The following KCNMA1 variants were observed in gnomAD, a reference collection of about 807,000 sequenced individuals.
The protein encoded by KCNMA1 is potassium calcium-activated channel subfamily M alpha 1, also known as Calcium-activated potassium channel subunit alpha-1.
KCNMA1 carries 29 observed loss-of-function variants against 140.0 expected under a neutral mutation model. The ratio of observed to expected loss-of-function variants is 0.21; its 90% CI spans 0.15 to 0.28. KCNMA1 has a LOEUF of 0.28. Ranked by LOEUF, KCNMA1 falls within the 10% of genes least tolerant of loss-of-function variation. KCNMA1 has a pLI of 1.00. For missense variants in KCNMA1, 880 were observed against 1,602.2 expected (o/e 0.55, Z 7.70); for synonymous variants, 612 against 611.9 (o/e 1.00, Z 0.00).
intron 5 of KCNMA1, among the ~76,000 whole-genome samples, chr10:77,167,765 T>C (rs961043887): frequency 2.0e-5 from 3 of 151,942 alleles, no homozygotes; most frequent in African/African-American, 7.3e-5. Flanking sequence ...CTTGTCTCAC[T>C]GCAGCCTCGA....
chr10:77,285,597 T>C (rs1216465154), intron 2 of KCNMA1, among the ~76,000 whole-genome samples: 1 of 152,106 alleles, frequency 6.6e-6, no homozygotes, highest in Non-Finnish European at 1.5e-5. Flanking sequence ...GTTTTTCTTT[T>C]CCCCCACCAT....
intron 5 of KCNMA1, among the ~76,000 whole-genome samples, chr10:77,138,236 T>C (rs1029584221): frequency 1.1e-4 from 17 of 152,286 alleles, no homozygotes; most frequent in East Asian, 7.7e-4. Flanking sequence ...CAAATAGGAC[T>C]TACTCACTTT....
chr10:76,894,532 G>C (rs1354714414), intron 25 of KCNMA1, among the ~76,000 whole-genome samples: 2 of 151,916 alleles, frequency 1.3e-5, no homozygotes, highest in East Asian at 3.9e-4. Flanking sequence ...TATCCAAAAA[G>C]TGAAAAAAAC....
intron 5 of KCNMA1, among the ~76,000 whole-genome samples, chr10:77,127,803 C>T (rs2766622): frequency 0.86 from 130,294 of 151,794 alleles, 55,901 homozygotes; most frequent in East Asian, 0.91. Flanking sequence ...TAAAACCCCG[C>T]CTCTACCAAA....
At chr10:77,382,988 GTGTGTGTATATATATATATA>G (rs1409490135) in intron 2 of KCNMA1, among the ~76,000 whole-genome samples, 13 of 44,978 alleles carry the variant, frequency 2.9e-4, no homozygotes, top group Non-Finnish European at 3.7e-4. Flanking sequence ...GTGTGTGTGT[GTGTGTGTATATATATATATA>G]TATATATATA....
In KCNMA1 at chr10:76,917,492, C is replaced by T. The variant is rs142864015; in HGVS notation, c.2903-2443G>A. Among the ~76,000 whole-genome samples, 10 of 152,318 alleles carry T rather than the reference C, an allele frequency of 6.6e-5. No homozygotes were observed. In the East Asian group the frequency reaches 1.7e-3, roughly 26 times the overall value. On this transcript the variant is annotated intron_variant, in intron 23 of 27. Transcript: ENST00000286628. ...AAAGACTCAATTCCTTTGCATGAAACCTTCATTTGGAAATGACATGCTTGC... is the reference window on the plus strand; with the variant it reads ...AAAGACTCAATTCCTTTGCATGAAATCTTCATTTGGAAATGACATGCTTGC...
intron 1 of KCNMA1, among the ~76,000 whole-genome samples, chr10:77,530,347 C>T (rs1228795700): frequency 6.6e-6 from 1 of 152,216 alleles, no homozygotes; most frequent in Non-Finnish European, 1.5e-5. Flanking sequence ...TTGAGTAAGT[C>T]CAGGTCTCTC....
intron 2 of KCNMA1, among the ~76,000 whole-genome samples, chr10:77,336,245 G>A (rs1290113110): frequency 6.6e-6 from 1 of 152,046 alleles, no homozygotes; most frequent in Non-Finnish European, 1.5e-5. Flanking sequence ...GATGAGAAAA[G>A]GTGTCCCAGA....
rs561292294 is a variant in KCNMA1 at position 76,934,356 on chromosome 10, C to A, written c.2902+10417G>T. 5.1e-4 allele frequency among the ~76,000 whole-genome samples: 77 copies of A among 152,300 alleles called. 1 individual carries two copies. The highest frequency in any genetic ancestry group is 8.3e-4 in the South Asian group (4 of 4,826). ...AAGAAAAGAAGTAAAGTTTTTAAGA[C>A]TGCACATGAGCTATTGCCTATAGAG... On this transcript the variant is annotated intron_variant, in intron 23 of 27. Coordinates refer to ENST00000286628, the MANE Select transcript of KCNMA1 (RefSeq NM_001161352.2).
rs372461738 is a variant in KCNMA1 at position 77,418,719 on chromosome 10, C to T, written c.379-14696G>A. On this transcript the variant is annotated intron_variant, in intron 1 of 27. Coordinates refer to ENST00000286628, the MANE Select transcript of KCNMA1 (RefSeq NM_001161352.2). ...CACACTTGCATCCACGGGGGCCTCC[C>T]TCCTACCATGTCCCCTCTTTCCCCC... is the stretch of plus-strand genomic sequence containing the variant. Among the ~76,000 whole-genome samples the T allele has an allele frequency of 2.6e-4, 39 of 152,306 alleles. No individual in the cohort carries two copies. The East Asian group carries it at 6.6e-3, about 26-fold the overall frequency.
At chr10:77,333,350 CAAAAAAA>C (rs68185333) in intron 2 of KCNMA1, among the ~76,000 whole-genome samples, 32,838 of 105,614 alleles carry the variant, frequency 0.31, 3,835 homozygotes, top group Admixed American at 0.38. Flanking sequence ...CCATGTCTAC[CAAAAAAA>C]AAAAAAAGAA....
At chr10:77,474,136 G>C (rs542636503) in intron 1 of KCNMA1, among the ~76,000 whole-genome samples, 9 of 152,292 alleles carry the variant, frequency 5.9e-5, no homozygotes, top group African/African-American at 1.7e-4. Context: ...GAAGACAGGG[G>C]TGAAAACGCA....
At chr10:77,526,183 A>G (rs1288543703) in intron 1 of KCNMA1, among the ~76,000 whole-genome samples, 1 of 152,342 alleles carries the variant, frequency 6.6e-6, no homozygotes, top group Admixed American at 6.5e-5. Context: ...GAAAGGGCCC[A>G]GGGCCTCATC....
intron 1 of KCNMA1, chr10:77,498,828 A>G (rs1180700387): frequency 6.7e-6 from 1 of 148,784 alleles, no homozygotes; most frequent in East Asian, 2.0e-4. Flanking sequence ...AATAAATTTG[A>G]AAAAAAAAAG....
Position 76,969,961 on chromosome 10 carries a change from C to A in KCNMA1, c.2360+13G>T, listed in dbSNP as rs776922544. 3.1e-6 allele frequency: 5 copies of A among 1,604,392 alleles called. No homozygotes were observed. The South Asian group carries it at 3.3e-5, about 11-fold the overall frequency. ...TAAGAGGGAAACCGTGGGCAACCAG[C>A]CCCTCTCCTTACCTCATCAGCTTAG... On this transcript the variant is annotated intron_variant, in intron 20 of 27. Coordinates refer to ENST00000286628, the MANE Select transcript of KCNMA1 (RefSeq NM_001161352.2).
chr10:76,949,206 G>C lies in KCNMA1; in HGVS notation c.2645C>G (p.Ser882Cys), dbSNP rs758609531. 1.2e-6 allele frequency: 2 copies of C among 1,614,178 alleles called. No individual in the cohort carries two copies. Among genetic ancestry groups the C allele is most frequent in the South Asian group, 2.2e-5 (2 of 91,080 alleles). Reference protein sequence around the residue: ...HELKHIVFVGSIEYLKREWET... With the variant: ...HELKHIVFVGCIEYLKREWET... ...CCATTCCCGCTTGAGGTACTCAATA[G>C]AGCCCACAAACACAATGTGCTTGAG... is the stretch of plus-strand genomic sequence containing the variant. Residue 882 changes from serine to cysteine, a missense_variant, in exon 22 of 28, where the codon TCT becomes TGT. Ser to Cys is a moderately radical substitution (Grantham distance 112, BLOSUM62 -1). Transcript: ENST00000286628.
At chr10:76,914,717 T>C (rs2051995476) in intron 24 of KCNMA1, 1 of 483,710 alleles carries the variant, frequency 2.1e-6, no homozygotes. Flanking sequence ...GTGACCAGCA[T>C]GAAGGAAACT....
chr10:77,006,947 C>G (rs1464244421), intron 18 of KCNMA1, among the ~76,000 whole-genome samples: 1 of 152,074 alleles, frequency 6.6e-6, no homozygotes, highest in Admixed American at 6.6e-5. Flanking sequence ...CAATCTATAC[C>G]CTCCAAACAC....
chr10:77,303,822 A>T (rs1203647299), intron 2 of KCNMA1, among the ~76,000 whole-genome samples: 1 of 152,152 alleles, frequency 6.6e-6, no homozygotes, highest in African/African-American at 2.4e-5. Flanking sequence ...TCGCCACCAC[A>T]CTACACTGTT....
Sources: allele counts gnomAD v4.1 joint callset (sites outside exome capture counted in the v4.1 genomes callset), GRCh38; gene constraint gnomAD v4.1.1; transcripts MANE v1.5; gene names NCBI Gene and HGNC (gene_info 2026-07-23, HGNC 2026-07-21).